TRIM27: variants seen among roughly 807,000 people sequenced by gnomAD.
TRIM27 encodes zinc finger protein RFP.
TRIM27 carries 12 observed loss-of-function variants against 57.6 expected under a neutral mutation model. That is an observed-to-expected ratio of 0.21 (90% confidence interval 0.13 to 0.34). The LOEUF is 0.34. Ranked by LOEUF, TRIM27 falls within the 10% of genes least tolerant of loss-of-function variation. TRIM27 has a pLI of 1.00. For missense variants in TRIM27, 403 were observed against 656.8 expected, an observed-to-expected ratio of 0.61 and a Z score of 4.22; for synonymous variants, 266 against 259.0, an observed-to-expected ratio of 1.03 and a Z score of -0.26.
intron 4 of TRIM27, among the ~76,000 whole-genome samples, chr6:28,910,493 C>A (rs1328247966): frequency 3.3e-5 from 5 of 152,136 alleles, no homozygotes; most frequent in South Asian, 4.1e-4. Context: ...CCACGCCCAG[C>A]TAATTTTTGT....
chr6:28,920,575 A>C (rs1773947378), intron 2 of TRIM27, among the ~76,000 whole-genome samples: 1 of 152,172 alleles, frequency 6.6e-6, no homozygotes, highest in African/African-American at 2.4e-5. Flanking sequence ...AATTTCACAC[A>C]ATGTTCATGT....
chr6:28,905,196 C>T (rs1772677057), intron 7 of TRIM27: 1 of 153,254 alleles, frequency 6.5e-6, no homozygotes, highest in African/African-American at 2.4e-5. Flanking sequence ...AGGCATGAGC[C>T]ACTGTGCCTG....
rs1007213642 is a variant in TRIM27 at position 28,903,642 on chromosome 6, C to G, written c.*428G>C. On this transcript the variant is annotated 3_prime_UTR_variant, in exon 8 of 8. Transcript: ENST00000377199. ...GGAGCCATGCTGACAGGGCCTTATTCCAGTCTAGGTTGTTAGAAAGGAGCC... is the reference window on the plus strand; with the variant it reads ...GGAGCCATGCTGACAGGGCCTTATTGCAGTCTAGGTTGTTAGAAAGGAGCC... The G allele has an allele frequency of 4.0e-6, 1 of 251,050 alleles. No individual in the cohort carries two copies. 15.6% of individuals were successfully genotyped at this position (251,050 alleles called of 1,614,324 possible). A position where few individuals can be genotyped will look rare whatever the true frequency, so the allele number is the denominator to read the frequency against.
Position 28,920,022 on chromosome 6 carries a change from T to A in TRIM27, c.737A>T (p.Glu246Val). Residue 246 changes from glutamate (E) to valine (V), a missense_variant, in exon 3 of 8, where the codon GAG becomes GTG. Transcript: ENST00000377199. ...CTCTGCAAGCCTTACCTGCAGGAGC[T>A]CCCTGGTGGGCTGCTGCTGCTTCTC... ...LEEKQQQPTRELLQDIGDTLS... is the reference protein window; with the variant it reads ...LEEKQQQPTRVLLQDIGDTLS... 1.9e-6 allele frequency: 3 copies of A among 1,612,566 alleles called. No homozygotes were observed. Among genetic ancestry groups the A allele is most frequent in the Non-Finnish European group, 2.5e-6 (3 of 1,179,558 alleles).
chr6:28,907,039 C>G (rs1772818934), intron 7 of TRIM27, 197 bp downstream of exon 7: 1 of 560,022 alleles, frequency 1.8e-6, no homozygotes, highest in Non-Finnish European at 3.1e-6. Context: ...GGCTTCAGCT[C>G]TGAGACATTT....
At chr6:28,914,688 C>G (rs1339849438) in intron 3 of TRIM27, 1 of 149,924 alleles carries the variant, frequency 6.7e-6, no homozygotes, top group Non-Finnish European at 1.5e-5. Flanking sequence ...ATAATATATC[C>G]GAGTAACAGA....
intron 3 of TRIM27, among the ~76,000 whole-genome samples, chr6:28,913,124 G>A (rs948150635): frequency 3.3e-5 from 5 of 151,634 alleles, no homozygotes; most frequent in African/African-American, 4.8e-5. Flanking sequence ...GCATGGTGGC[G>A]TATGCCTGTA....
rs1318076513 is a variant in TRIM27, at chr6:28,923,964, G to A, written c.-332C>T. The A allele has an allele frequency of 1.1e-5, 4 of 350,738 alleles. No individual in the cohort carries two copies. Among genetic ancestry groups the A allele is most frequent in the African/African-American group, 2.1e-5 (1 of 47,738 alleles). The allele number at this position is 350,738 out of a possible 1,614,324, so 21.7% of individuals were successfully genotyped here. A position where few individuals can be genotyped will look rare whatever the true frequency, so the allele number is the denominator to read the frequency against. On this transcript the variant is annotated 5_prime_UTR_variant, in exon 1 of 8. Coordinates refer to ENST00000377199, the MANE Select transcript of TRIM27 (RefSeq NM_006510.5). ...CGCGCAAGACAACGTGGCCGCGTCCGAGCGGATGCCGGCGGCAGCGTAAAC... is the reference window on the plus strand; with the variant it reads ...CGCGCAAGACAACGTGGCCGCGTCCAAGCGGATGCCGGCGGCAGCGTAAAC...
At chr6:28,917,173 A>G (rs983114225) in intron 3 of TRIM27, among the ~76,000 whole-genome samples, 1 of 152,076 alleles carries the variant, frequency 6.6e-6, no homozygotes, top group Non-Finnish European at 1.5e-5. Flanking sequence ...GGAAAAAAAA[A>G]CACTCAAGTC....
At chr6:28,908,070 G>C (rs1772902069) in intron 6 of TRIM27, 1 of 167,786 alleles carries the variant, frequency 6.0e-6, no homozygotes, top group Non-Finnish European at 1.3e-5. Context: ...TAGTATTCCT[G>C]GGTGGAATAA....
Sources: allele counts gnomAD v4.1 joint callset (sites outside exome capture counted in the v4.1 genomes callset), GRCh38; gene constraint gnomAD v4.1.1; transcripts MANE v1.5; gene names NCBI Gene and HGNC (gene_info 2026-07-23, HGNC 2026-07-21).